The following CHL1 variants were observed in gnomAD, a reference collection of about 807,000 sequenced individuals.
CHL1 encodes neural cell adhesion molecule L1-like protein.
CHL1 carries 96 observed loss-of-function variants against 141.9 expected under a neutral mutation model. That is an observed-to-expected ratio of 0.68 (90% CI 0.57 to 0.80). The LOEUF (loss-of-function observed/expected upper bound fraction) is 0.80, where lower values mean the gene tolerates loss of function less well. Ranked by LOEUF, CHL1 falls within the 30% of genes least tolerant of loss-of-function variation. The pLI is 0.00. For missense variants in CHL1, 1,820 were observed against 1,457.2 expected, an observed-to-expected ratio of 1.25 and a Z score of -4.05; for synonymous variants, 613 against 502.2, an observed-to-expected ratio of 1.22 and a Z score of -2.95.
chr3:294,455 T>G (rs977655985), intron 2 of CHL1, among the ~76,000 whole-genome samples: 1 of 152,242 alleles, frequency 6.6e-6, no homozygotes, highest in African/African-American at 2.4e-5. Flanking sequence ...TAATTGTACA[T>G]GTTTAAACAA....
intron 2 of CHL1, among the ~76,000 whole-genome samples, chr3:283,309 G>A (rs1047705303): frequency 2.6e-5 from 4 of 152,130 alleles, no homozygotes; most frequent in Non-Finnish European, 5.9e-5. Flanking sequence ...CCAACATTTT[G>A]CTATTAAATA....
chr3:360,640 G>C (rs1332841786), intron 12 of CHL1, among the ~76,000 whole-genome samples: 1 of 149,542 alleles, frequency 6.7e-6, no homozygotes, highest in East Asian at 2.0e-4. Flanking sequence ...TGCACAATGT[G>C]CAGGTTAGTT....
At chr3:237,019 G>C (rs575055625) in intron 1 of CHL1, among the ~76,000 whole-genome samples, 46 of 152,250 alleles carry the variant, frequency 3.0e-4, no homozygotes, top group African/African-American at 1.0e-3. Flanking sequence ...AATCAAACTC[G>C]TTAGGACCTC....
At chr3:253,244 A>T (rs1338103897) in intron 2 of CHL1, among the ~76,000 whole-genome samples, 6 of 152,138 alleles carry the variant, frequency 3.9e-5, no homozygotes, top group African/African-American at 1.4e-4. Context: ...CATGGCTGTG[A>T]TGTATCTCGT....
At chr3:397,505 C>G (rs1708776153) in intron 24 of CHL1, among the ~76,000 whole-genome samples, 1 of 151,912 alleles carries the variant, frequency 6.6e-6, no homozygotes, top group African/African-American at 2.4e-5. Flanking sequence ...AGTTGATTCC[C>G]AGCAAAGCTG....
chr3:370,703 G>A (rs997023784), intron 15 of CHL1, among the ~76,000 whole-genome samples: 3 of 152,110 alleles, frequency 2.0e-5, no homozygotes, highest in African/African-American at 7.2e-5. Flanking sequence ...ATGTTAGCAT[G>A]TGAATTTGAG....
intron 10 of CHL1, among the ~76,000 whole-genome samples, chr3:351,075 C>G (rs1325127029): frequency 6.6e-6 from 1 of 152,186 alleles, no homozygotes; most frequent in Non-Finnish European, 1.5e-5. Context: ...ATTAGAAACA[C>G]TTCCAGATGG....
At chr3:353,186 T>C (rs750374504) in intron 10 of CHL1, among the ~76,000 whole-genome samples, 4 of 152,178 alleles carry the variant, frequency 2.6e-5, no homozygotes, top group Non-Finnish European at 5.9e-5. Flanking sequence ...TTCAAGAAGA[T>C]TTACAGAAAT....
intron 15 of CHL1, among the ~76,000 whole-genome samples, chr3:368,508 G>C (rs1178205279): frequency 6.6e-6 from 1 of 152,074 alleles, no homozygotes; most frequent in Non-Finnish European, 1.5e-5. Flanking sequence ...TTGTCAGATG[G>C]GTAGTTGTAA....
intron 2 of CHL1, among the ~76,000 whole-genome samples, chr3:276,820 C>T (rs1179319182): frequency 7.2e-6 from 1 of 139,058 alleles, no homozygotes. Context: ...ACCTGGAAGT[C>T]GGAGGTTGCA....
At chr3:373,209 C>G (rs948865804) in intron 15 of CHL1, among the ~76,000 whole-genome samples, 3 of 152,250 alleles carry the variant, frequency 2.0e-5, no homozygotes, top group Admixed American at 1.3e-4. Context: ...GGAGGAGACG[C>G]TAAGTCTGCT....
chr3:372,003 A>C (rs1274358326), intron 15 of CHL1, among the ~76,000 whole-genome samples: 1 of 152,070 alleles, frequency 6.6e-6, no homozygotes. Flanking sequence ...TTCCCTTTGT[A>C]GGTGACCTGG....
intron 11 of CHL1, among the ~76,000 whole-genome samples, chr3:359,538 A>G (rs1002861262): frequency 3.3e-5 from 5 of 152,110 alleles, no homozygotes; most frequent in African/African-American, 4.8e-5. Flanking sequence ...CCTGACTTCA[A>G]GTGATCCATC....
intron 1 of CHL1, among the ~76,000 whole-genome samples, chr3:223,646 C>G (rs540289692): frequency 6.6e-6 from 1 of 152,302 alleles, no homozygotes; most frequent in Admixed American, 6.5e-5. Flanking sequence ...ATGGATAGGG[C>G]AAATTCACTG....
intron 5 of CHL1, among the ~76,000 whole-genome samples, chr3:337,319 T>G: frequency 6.6e-6 from 1 of 150,908 alleles, no homozygotes; most frequent in East Asian, 2.0e-4. Context: ...GCCTCCCGAG[T>G]AGCTGGGACC....
intron 1 of CHL1, among the ~76,000 whole-genome samples, chr3:199,691 T>C (rs567492842): frequency 6.6e-6 from 1 of 152,356 alleles, no homozygotes. Context: ...ACAAAGATCC[T>C]TAGTGACCTT....
chr3:341,048 C>T, intron 6 of CHL1, 132 bp downstream of exon 6: 2 of 904,398 alleles, frequency 2.2e-6, no homozygotes, highest in East Asian at 5.5e-5. Context: ...AGAGGAGATG[C>T]TACTAATATG....
chr3:343,781 C>T (rs3773404), intron 8 of CHL1, among the ~76,000 whole-genome samples: 39,065 of 151,972 alleles, frequency 0.26, 5,168 homozygotes, highest in East Asian at 0.38. Context: ...CTGATTCATC[C>T]CCAACATCAT....
intron 6 of CHL1, among the ~76,000 whole-genome samples, chr3:341,439 C>T (rs1274445669): frequency 6.6e-6 from 1 of 152,104 alleles, no homozygotes; most frequent in African/African-American, 2.4e-5. Flanking sequence ...ACATCAGTTC[C>T]CCTAGAACCT....
Sources: gnomAD v4.1 joint callset for allele counts (sites outside exome capture counted in the v4.1 genomes callset) on GRCh38, gnomAD v4.1.1 for gene constraint, MANE v1.5 for transcripts, NCBI Gene and HGNC (gene_info 2026-07-23, HGNC 2026-07-21) for gene names.